Variants in MYO6 observed in about 807,000 individuals in gnomAD.
MYO6 encodes unconventional myosin-VI.
In MYO6, 74 loss-of-function variants were observed where a neutral mutation model predicts 178.7. That is an observed-to-expected ratio of 0.41 (90% CI 0.34 to 0.50). The LOEUF (loss-of-function observed/expected upper bound fraction) is 0.50, where lower values mean the gene tolerates loss of function less well. MYO6 is among the 20% of genes least tolerant of loss of function. The pLI is 0.09. For missense variants in MYO6, 1,330 were observed against 1,547.4 expected (o/e 0.86, Z 2.36); for synonymous variants, 477 against 504.6 (o/e 0.95, Z 0.73).
chr6:75,778,704 G>A (rs1366718501), intron 1 of MYO6, among the ~76,000 whole-genome samples: 1 of 151,474 alleles, frequency 6.6e-6, no homozygotes, highest in Admixed American at 6.6e-5. Flanking sequence ...AATTACTTCT[G>A]TTGCCATTTG....
intron 1 of MYO6, among the ~76,000 whole-genome samples, chr6:75,806,339 GATC>G (rs1373239517): frequency 6.7e-6 from 1 of 149,912 alleles, no homozygotes; most frequent in African/African-American, 2.5e-5. Flanking sequence ...AGTGAGCTGA[GATC>G]ATGCCACTGC....
Position 75,828,541 on chromosome 6 carries a change from T to G in MYO6, c.189T>G (p.Cys63Trp), listed in dbSNP as rs768643110. ...TGACATATAAATTTTATGTCTTAGG[T>G]TCACTAATGTATTTAAATGAAGCCA... is the stretch of plus-strand genomic sequence containing the variant. ...EDSKKDVEDN[C>W]SLMYLNEATL... The change falls in exon 4 of 35, where the codon TGT (cysteine) becomes TGG (tryptophan). Residue 63 changes from cysteine to tryptophan, a missense_variant and splice_region_variant. Cys to Trp is a radical substitution (Grantham distance 215). Around this residue, in one of 3 missense-constraint regions of MYO6, gnomAD observed 116 missense variants for 104.6 expected, o/e 1.11. Transcript: ENST00000369977. 7.2e-6 allele frequency: 11 copies of G among 1,536,066 alleles called. No homozygotes were observed. In the East Asian group the frequency reaches 2.5e-4, roughly 35 times the overall value.
chr6:75,805,286 C>T (rs183076681), intron 1 of MYO6, among the ~76,000 whole-genome samples: 120 of 151,736 alleles, frequency 7.9e-4, no homozygotes, highest in Non-Finnish European at 1.3e-3. Context: ...ATTACAGGTG[C>T]GAGCCACAGT....
chr6:75,849,535 T>G (rs985439722), intron 11 of MYO6, among the ~76,000 whole-genome samples: 34 of 152,154 alleles, frequency 2.2e-4, no homozygotes, highest in African/African-American at 8.2e-4. Context: ...TAAAGGTTCT[T>G]GCCTTAGCCA....
chr6:75,828,710 C>G, intron 4 of MYO6, 97 bp downstream of exon 4: 1 of 833,570 alleles, frequency 1.2e-6, no homozygotes, highest in Non-Finnish European at 2.1e-6. Context: ...AACAGAAAAT[C>G]ATGCTTGATC....
Position 75,908,619 on chromosome 6 carries a change from C to T in MYO6, c.3404C>T (p.Thr1135Ile). The T allele has an allele frequency of 6.2e-7, 1 of 1,613,392 alleles. No homozygotes were observed. Among genetic ancestry groups the T allele is most frequent in the Admixed American group, 1.7e-5 (1 of 60,006 alleles). ...GAGCAACGTGCTCCAAAGTCTGTTA[C>T]TGATTATGGTAAAGAGAAATCTGTA... Reference protein sequence around the residue: ...ETEQRAPKSVTDYDFAPFLNN... With the variant: ...ETEQRAPKSVIDYDFAPFLNN... Residue 1135 changes from threonine to isoleucine, a missense_variant, in exon 32 of 35, where the codon ACT becomes ATT. Around this residue, in one of 3 missense-constraint regions of MYO6, gnomAD observed 601 missense variants for 626.1 expected, o/e 0.96. Coordinates refer to ENST00000369977, the MANE Select transcript of MYO6 (RefSeq NM_004999.4).
At chr6:75,861,999 C>T (rs1356746339) in intron 15 of MYO6, among the ~76,000 whole-genome samples, 1 of 152,164 alleles carries the variant, frequency 6.6e-6, no homozygotes, top group Non-Finnish European at 1.5e-5. Flanking sequence ...CCACTAATTA[C>T]CCAAGAAGCA....
chr6:75,809,565 A>G (rs1484861302), intron 1 of MYO6, among the ~76,000 whole-genome samples: 1 of 151,870 alleles, frequency 6.6e-6, no homozygotes, highest in African/African-American at 2.4e-5. Context: ...GGAAGGCAGG[A>G]ATTACAGGCG....
At chr6:75,797,456 G>A (rs1481864613) in intron 1 of MYO6, among the ~76,000 whole-genome samples, 1 of 152,158 alleles carries the variant, frequency 6.6e-6, no homozygotes, top group East Asian at 1.9e-4. Flanking sequence ...TTGGTAGAAC[G>A]ATTTATTTTC....
At chr6:75,756,976 GTGTGTATATATGTATACACACATATATA>G (rs1777442798) in intron 1 of MYO6, among the ~76,000 whole-genome samples, 1 of 22,492 alleles carries the variant, frequency 4.4e-5, no homozygotes, top group Admixed American at 6.6e-4. Flanking sequence ...CACATATATA[GTGTGTATATATGTATACACACATATATA>G]GTGTGTATAT....
rs11961846 is a variant in MYO6 at position 75,866,831 on chromosome 6, A to G, written c.1771-101A>G. 2,833 of 1,324,524 alleles carry G rather than the reference A, an allele frequency of 2.1e-3. 92 individuals carry two copies. In the Admixed American group the frequency reaches 0.046, roughly 22 times the overall value. 82.0% of individuals were successfully genotyped at this position (1,324,524 alleles called of 1,614,324 possible). On this transcript the variant is annotated intron_variant, in intron 17 of 34. Transcript: ENST00000369977. Reference sequence around the variant, plus strand: ...TGACGGCGTTGGACAGTGCAGATACAGAACATTTCTGTCATCACAGAAAGT... The same window carrying G: ...TGACGGCGTTGGACAGTGCAGATACGGAACATTTCTGTCATCACAGAAAGT...
chr6:75,881,635 G>C, intron 22 of MYO6, 54 bp from the exon 23 acceptor site: 1 of 1,539,178 alleles, frequency 6.5e-7, no homozygotes, highest in Non-Finnish European at 9.0e-7. Flanking sequence ...ATGTCTTTAT[G>C]TGTTCAAATG....
chr6:75,813,524 C>G (rs1453151750), intron 1 of MYO6, among the ~76,000 whole-genome samples: 1 of 152,172 alleles, frequency 6.6e-6, no homozygotes, highest in African/African-American at 2.4e-5. Flanking sequence ...TGCTCGTTAA[C>G]CCACTCTGGC....
chr6:75,811,950 T>G (rs960393219), intron 1 of MYO6, among the ~76,000 whole-genome samples: 1 of 152,228 alleles, frequency 6.6e-6, no homozygotes, highest in Non-Finnish European at 1.5e-5. Flanking sequence ...AGAGGTTAAA[T>G]AACTTACTTA....
intron 20 of MYO6, among the ~76,000 whole-genome samples, chr6:75,874,696 C>A (rs1359836171): frequency 6.6e-6 from 1 of 152,166 alleles, no homozygotes; most frequent in Non-Finnish European, 1.5e-5. Flanking sequence ...TTCCCATTAC[C>A]ATTTAAACAT....
intron 1 of MYO6, among the ~76,000 whole-genome samples, chr6:75,773,406 T>C (rs975671274): frequency 2.6e-5 from 4 of 152,208 alleles, no homozygotes; most frequent in African/African-American, 9.6e-5. Flanking sequence ...ATAAGACTAA[T>C]GAGGTGATTC....
At chr6:75,756,470 T>A (rs1777364056) in intron 1 of MYO6, among the ~76,000 whole-genome samples, 1 of 152,084 alleles carries the variant, frequency 6.6e-6, no homozygotes, top group Non-Finnish European at 1.5e-5. Flanking sequence ...GTAGCCGGGA[T>A]TACAGGTGCT....
intron 3 of MYO6, among the ~76,000 whole-genome samples, chr6:75,825,250 C>T (rs946343768): frequency 2.0e-5 from 3 of 151,996 alleles, no homozygotes; most frequent in East Asian, 3.8e-4. Flanking sequence ...TAATGTTCTT[C>T]GTGAATTATT....
At chr6:75,787,714 CTCTCTCTCTCTCTCTCTATATATATA>C (rs1328265497) in intron 1 of MYO6, among the ~76,000 whole-genome samples, 4 of 61,492 alleles carry the variant, frequency 6.5e-5, no homozygotes, top group East Asian at 6.4e-4. Flanking sequence ...CTCTCTCTCT[CTCTCTCTCTCTCTCTCTATATATATA>C]TATATATATA....
Sources: allele counts gnomAD v4.1 joint callset (sites outside exome capture counted in the v4.1 genomes callset), GRCh38; gene constraint gnomAD v4.1.1; regional missense constraint gnomAD v4.1.1; transcripts MANE v1.5; gene names NCBI Gene and HGNC (gene_info 2026-07-23, HGNC 2026-07-21).